The following MYCBP2 variants were observed in gnomAD, a reference collection of about 807,000 sequenced individuals.
MYCBP2 encodes the protein E3 ubiquitin-protein ligase MYCBP2.
MYCBP2 carries 120 observed loss-of-function variants against 525.3 expected under a neutral mutation model. The ratio of observed to expected loss-of-function variants is 0.23; its 90% CI spans 0.20 to 0.27. The LOEUF is 0.27. Ranked by LOEUF, MYCBP2 falls within the 10% of genes least tolerant of loss-of-function variation. The probability of loss-of-function intolerance (pLI) is 1.00; values close to 1 mark genes in which losing one functional copy is unlikely to be tolerated. For missense variants in MYCBP2, 4,149 were observed against 5,657.1 expected, an observed-to-expected ratio of 0.73 and a Z score of 8.55; for synonymous variants, 1,894 against 1,955.8, an observed-to-expected ratio of 0.97 and a Z score of 0.83.
At chr13:77,114,315 AG>A (rs2049347882) in intron 55 of MYCBP2, among the ~76,000 whole-genome samples, 1 of 152,104 alleles carries the variant, frequency 6.6e-6, no homozygotes, top group Admixed American at 6.6e-5. Flanking sequence ...AAAGCATGAG[AG>A]GTATTAAGTA....
chr13:77,073,732 A>T (rs1031890370), intron 68 of MYCBP2, among the ~76,000 whole-genome samples: 2 of 152,314 alleles, frequency 1.3e-5, no homozygotes, highest in South Asian at 2.1e-4. Context: ...CTATTTTTAT[A>T]CACTAGAAAT....
At chr13:77,060,990 T>G (rs1247569887) in intron 76 of MYCBP2, among the ~76,000 whole-genome samples, 179 bp downstream of exon 76, 1 of 152,198 alleles carries the variant, frequency 6.6e-6, no homozygotes, top group African/African-American at 2.4e-5. Context: ...TTTCTTGACT[T>G]TTGGTCTAAT....
chr13:77,316,675 G>A (rs949171145), intron 1 of MYCBP2, among the ~76,000 whole-genome samples: 34 of 152,270 alleles, frequency 2.2e-4, no homozygotes, highest in African/African-American at 7.0e-4. Context: ...CACTACAGAC[G>A]GTAAAATTGA....
At chr13:77,177,994 C>T in intron 34 of MYCBP2, 40 bp from the exon 35 acceptor site, 1 of 1,244,108 alleles carries the variant, frequency 8.0e-7, no homozygotes. Flanking sequence ...AGTTGGTATA[C>T]CTTTAACAAA....
chr13:77,090,021 A>G, intron 60 of MYCBP2, 85 bp downstream of exon 60: 1 of 1,211,936 alleles, frequency 8.3e-7, no homozygotes. Context: ...CAAAAATTAA[A>G]TTTTAAAAAT....
chr13:77,053,376 C>G (rs2045462323), intron 80 of MYCBP2, among the ~76,000 whole-genome samples: 1 of 152,174 alleles, frequency 6.6e-6, no homozygotes, highest in Non-Finnish European at 1.5e-5. Flanking sequence ...CACTGATTGT[C>G]TCATAGTCAA....
chr13:77,308,197 A>G (rs2079708686), intron 1 of MYCBP2, among the ~76,000 whole-genome samples: 1 of 152,352 alleles, frequency 6.6e-6, no homozygotes, highest in Admixed American at 6.5e-5. Flanking sequence ...AACTCAGAGC[A>G]GAGAATCTAA....
At chr13:77,318,800 T>C (rs1372547739) in intron 1 of MYCBP2, among the ~76,000 whole-genome samples, 1 of 152,166 alleles carries the variant, frequency 6.6e-6, no homozygotes, top group Non-Finnish European at 1.5e-5. Flanking sequence ...TAATATGACA[T>C]GTGTGCCTGT....
At chr13:77,085,300 TGGTGGGAAGAAAAC>T (rs59664570) in intron 62 of MYCBP2, among the ~76,000 whole-genome samples, 3,364 of 152,292 alleles carry the variant, frequency 0.022, 54 homozygotes, top group Middle Eastern at 0.075. Context: ...ACTGAGGACA[TGGTGGGAAGAAAAC>T]CAATTATTTC....
At chr13:77,169,903 C>T (rs1020447853) in intron 38 of MYCBP2, among the ~76,000 whole-genome samples, 189 bp from the exon 39 acceptor site, 1 of 152,162 alleles carries the variant, frequency 6.6e-6, no homozygotes, top group African/African-American at 2.4e-5. Context: ...TCAACTAATA[C>T]TCACAATAAG....
Position 77,081,347 on chromosome 13 carries a change from G to T in MYCBP2, c.11418+80C>A. ...GAAATTCCAGGTGATAAAGCTTGTTGCTAAATTCAGAAATGAAAGTGCATG... is the reference window on the plus strand; with the variant it reads ...GAAATTCCAGGTGATAAAGCTTGTTTCTAAATTCAGAAATGAAAGTGCATG... On this transcript the variant is annotated intron_variant, in intron 65 of 82. Coordinates refer to ENST00000544440, the MANE Select transcript of MYCBP2 (RefSeq NM_015057.5). This position sits in a 1 kb window ranked among gnomAD's most constrained non-coding sequence, Gnocchi z 4.6. The T allele has an allele frequency of 8.3e-7, 1 of 1,205,506 alleles. No individual in the cohort carries two copies. Among genetic ancestry groups the T allele is most frequent in the Non-Finnish European group, 1.2e-6 (1 of 840,602 alleles). The allele number at this position is 1,205,506 out of a possible 1,614,324, so 74.7% of individuals were successfully genotyped here.
At chr13:77,090,347 A>G in intron 59 of MYCBP2, 84 bp from the exon 60 acceptor site, 1 of 1,124,918 alleles carries the variant, frequency 8.9e-7, no homozygotes, top group Non-Finnish European at 1.2e-6. Flanking sequence ...AAAATATGTG[A>G]CTCAATATTT....
At chr13:77,265,611 T>C (rs2073956780) in intron 8 of MYCBP2, among the ~76,000 whole-genome samples, 1 of 152,164 alleles carries the variant, frequency 6.6e-6, no homozygotes, top group Non-Finnish European at 1.5e-5. Flanking sequence ...CTGATTTATG[T>C]CAACTTGAAA....
intron 55 of MYCBP2, among the ~76,000 whole-genome samples, chr13:77,100,715 T>C (rs2046939473): frequency 6.6e-6 from 1 of 152,106 alleles, no homozygotes; most frequent in African/African-American, 2.4e-5. Flanking sequence ...TAAAAGTAAC[T>C]AAAACATAAT....
At chr13:77,130,412 T>C (rs1292442777) in intron 52 of MYCBP2, among the ~76,000 whole-genome samples, 1 of 151,854 alleles carries the variant, frequency 6.6e-6, no homozygotes, top group East Asian at 1.9e-4. Flanking sequence ...TATCCATATA[T>C]ATATATGGAT....
Position 77,201,949 on chromosome 13 carries a change from C to A in MYCBP2, c.3843+3307G>T, listed in dbSNP as rs2062639784. 2.0e-5 allele frequency among the ~76,000 whole-genome samples: 3 copies of A among 151,916 alleles called. No individual in the cohort carries two copies. The South Asian group carries it at 6.2e-4, about 32-fold the overall frequency. On this transcript the variant is annotated intron_variant, in intron 26 of 82. Coordinates refer to ENST00000544440, the MANE Select transcript of MYCBP2 (RefSeq NM_015057.5). ...GCCCACAAGAGGAAGCAGGAAAGATCCAAAATTGACACCCTAACATCATAA... is the reference window on the plus strand; with the variant it reads ...GCCCACAAGAGGAAGCAGGAAAGATACAAAATTGACACCCTAACATCATAA...
At chr13:77,324,338 A>G (rs779124106) in intron 1 of MYCBP2, among the ~76,000 whole-genome samples, 5 of 152,074 alleles carry the variant, frequency 3.3e-5, no homozygotes, top group Non-Finnish European at 7.4e-5. Flanking sequence ...TTCATTCTCT[A>G]TTATTGCTCC....
intron 65 of MYCBP2, among the ~76,000 whole-genome samples, chr13:77,079,285 T>C (rs1419689655): frequency 1.3e-5 from 2 of 152,164 alleles, no homozygotes; most frequent in Non-Finnish European, 2.9e-5. Flanking sequence ...CAAATACTTA[T>C]GAGTGTCACA....
chr13:77,235,415 T>C (rs1324941267), intron 17 of MYCBP2, among the ~76,000 whole-genome samples: 1 of 152,058 alleles, frequency 6.6e-6, no homozygotes, highest in Non-Finnish European at 1.5e-5. Context: ...AGCATAAAGA[T>C]ATTAAACAAT....
Sources: allele counts gnomAD v4.1 joint callset (sites outside exome capture counted in the v4.1 genomes callset), GRCh38; gene constraint gnomAD v4.1.1; non-coding constraint Gnocchi (gnomAD v3.1); transcripts MANE v1.5; gene names NCBI Gene and HGNC (gene_info 2026-07-23, HGNC 2026-07-21).